FNIP2: variants seen among roughly 807,000 people sequenced by gnomAD.
The protein encoded by FNIP2 is folliculin interacting protein 2.
Under a neutral mutation model 108.7 loss-of-function variants are expected in FNIP2, and 32 were observed. The observed-to-expected ratio is 0.29, with a 90% confidence interval of 0.22 to 0.40. The LOEUF (loss-of-function observed/expected upper bound fraction) is 0.40, where lower values mean the gene tolerates loss of function less well. Ranked by LOEUF, FNIP2 falls within the 10% of genes least tolerant of loss-of-function variation. FNIP2 has a pLI of 1.00. For synonymous variants in FNIP2, 480 were observed against 496.7 expected, an observed-to-expected ratio of 0.97 and a Z score of 0.45; for missense variants, 1,202 against 1,381.6, an observed-to-expected ratio of 0.87 and a Z score of 2.06.
intron 1 of FNIP2, among the ~76,000 whole-genome samples, chr4:158,820,813 C>T (rs1261073063): frequency 6.6e-6 from 1 of 152,206 alleles, no homozygotes; most frequent in Admixed American, 6.5e-5. Context: ...CTTAGGAGGA[C>T]ACCAGTCATT....
chr4:158,902,172 G>C (rs993770429), intron 16 of FNIP2, among the ~76,000 whole-genome samples: 2 of 152,092 alleles, frequency 1.3e-5, no homozygotes, highest in African/African-American at 4.8e-5. Context: ...TGGGGTCTCT[G>C]AGTGGACGTC....
intron 1 of FNIP2, among the ~76,000 whole-genome samples, chr4:158,822,305 C>T (rs1265373448): frequency 6.6e-6 from 1 of 151,626 alleles, no homozygotes; most frequent in Non-Finnish European, 1.5e-5. Context: ...AGCCTCCGCA[C>T]TCCAGTAGCT....
intron 8 of FNIP2, 61 bp downstream of exon 8, chr4:158,851,511 G>T (rs1162292285): frequency 1.3e-6 from 2 of 1,592,052 alleles, no homozygotes; most frequent in South Asian, 1.1e-5. Context: ...GATGAAACTG[G>T]CAGGGAGGCT....
At chr4:158,849,557 T>G (rs1039892354) in intron 7 of FNIP2, among the ~76,000 whole-genome samples, 1 of 152,122 alleles carries the variant, frequency 6.6e-6, no homozygotes, top group Non-Finnish European at 1.5e-5. Context: ...GGGAGGGGGC[T>G]TCTGGATTCT....
intron 7 of FNIP2, among the ~76,000 whole-genome samples, chr4:158,850,745 G>A (rs1436162199): frequency 6.7e-6 from 1 of 150,040 alleles, no homozygotes; most frequent in Admixed American, 6.7e-5. Flanking sequence ...ATAGAGTGAA[G>A]GATTACTAAG....
chr4:158,872,612 T>C, intron 14 of FNIP2: 4 of 985,146 alleles, frequency 4.1e-6, no homozygotes, highest in Non-Finnish European at 4.8e-6. Flanking sequence ...AGAAGTTTAA[T>C]ACATTCAGAA....
Position 158,821,256 on chromosome 4 carries a change from G to T in FNIP2, c.108-4660G>T, listed in dbSNP as rs188994461. ...TTACTGTGCCTGAAGGCATAAAGTG[G>T]ACATAAATAATACCCTGATGCCAAG... On this transcript the variant is annotated intron_variant, in intron 1 of 16. Coordinates refer to ENST00000264433, the MANE Select transcript of FNIP2 (RefSeq NM_020840.3). Among the ~76,000 whole-genome samples the T allele has an allele frequency of 2.0e-5, 3 of 152,348 alleles. No homozygotes were observed. In the East Asian group the frequency reaches 5.8e-4, roughly 29 times the overall value.
chr4:158,885,199 G>T (rs555206558), intron 14 of FNIP2, among the ~76,000 whole-genome samples: 1 of 152,128 alleles, frequency 6.6e-6, no homozygotes, highest in African/African-American at 2.4e-5. Flanking sequence ...TCACTATCAC[G>T]AGAATAGCAT....
At chr4:158,872,331 AC>A in intron 14 of FNIP2, 1 of 985,286 alleles carries the variant, frequency 1.0e-6, no homozygotes. Flanking sequence ...TTTCATGGTG[AC>A]CCTCTGGCTC....
At chr4:158,848,662 G>A (rs952202427) in intron 7 of FNIP2, among the ~76,000 whole-genome samples, 20 of 152,166 alleles carry the variant, frequency 1.3e-4, no homozygotes, top group African/African-American at 4.8e-4. Context: ...GAGAGACAGA[G>A]ATATGTGACC....
intron 16 of FNIP2, among the ~76,000 whole-genome samples, chr4:158,903,175 A>G (rs1283924505): frequency 6.6e-6 from 1 of 152,176 alleles, no homozygotes; most frequent in Admixed American, 6.5e-5. Context: ...AAAGTGCAGT[A>G]TCCAGACTGC....
chr4:158,900,075 T>TTTA (rs893010384), intron 16 of FNIP2, among the ~76,000 whole-genome samples: 2 of 152,188 alleles, frequency 1.3e-5, no homozygotes, highest in African/African-American at 4.8e-5. Flanking sequence ...TCAAAGAACT[T>TTTA]TTATTTCTGC....
chr4:158,883,949 CTTTTT>C (rs33942642), intron 14 of FNIP2, among the ~76,000 whole-genome samples: 7 of 89,000 alleles, frequency 7.9e-5, no homozygotes, highest in South Asian at 3.9e-4. Context: ...TTAATAAGCT[CTTTTT>C]TTTTTTTTTT....
intron 7 of FNIP2, among the ~76,000 whole-genome samples, chr4:158,850,943 T>C (rs551019724): frequency 6.6e-6 from 1 of 152,240 alleles, no homozygotes; most frequent in African/African-American, 2.4e-5. Context: ...TCGTTTAATT[T>C]GTGTTCCTTT....
intron 7 of FNIP2, among the ~76,000 whole-genome samples, chr4:158,846,339 G>GATCCACT (rs1227008002): frequency 2.6e-5 from 4 of 151,990 alleles, no homozygotes; most frequent in African/African-American, 9.7e-5. Flanking sequence ...TGTTGGTTTT[G>GATCCACT]ATCCACTAGA....
At chr4:158,883,440 AC>A (rs1287491989) in intron 14 of FNIP2, among the ~76,000 whole-genome samples, 2 of 152,040 alleles carry the variant, frequency 1.3e-5, no homozygotes, top group African/African-American at 4.8e-5. Flanking sequence ...ACGGGGTTTC[AC>A]CGTGTTAGCC....
At chr4:158,888,346 A>G (rs4274803) in intron 14 of FNIP2, among the ~76,000 whole-genome samples, 149,105 of 152,294 alleles carry the variant, frequency 0.98, 73,062 homozygotes, top group Non-Finnish European at 1. Context: ...AAAAGTCAGC[A>G]ATCCATGCTG....
chr4:158,779,753 T>TG (rs70962631), intron 1 of FNIP2, among the ~76,000 whole-genome samples: 2 of 150,580 alleles, frequency 1.3e-5, no homozygotes, highest in Non-Finnish European at 1.5e-5. Flanking sequence ...TTTTTTTTTT[T>TG]GTAGAGACGG....
intron 3 of FNIP2, 26 bp from the exon 4 acceptor site, chr4:158,831,835 C>G (rs1778501954): frequency 6.7e-7 from 1 of 1,491,990 alleles, no homozygotes; most frequent in African/African-American, 1.4e-5. Context: ...CATGTACTAA[C>G]TTTGATTTTG....
Sources: allele counts gnomAD v4.1 joint callset (sites outside exome capture counted in the v4.1 genomes callset), GRCh38; gene constraint gnomAD v4.1.1; transcripts MANE v1.5; gene names NCBI Gene and HGNC (gene_info 2026-07-23, HGNC 2026-07-21).